The following GNAQ variants were observed in gnomAD, a reference collection of about 807,000 sequenced individuals.
The protein encoded by GNAQ is guanine nucleotide-binding protein G(q) subunit alpha.
A neutral mutation model predicts 43.9 loss-of-function variants in GNAQ; 8 were observed. The observed-to-expected ratio is 0.18, with a 90% CI of 0.11 to 0.33. The LOEUF (loss-of-function observed/expected upper bound fraction) is 0.33. GNAQ is among the 10% of genes least tolerant of loss of function. GNAQ has a pLI of 1.00. For synonymous variants in GNAQ, 155 were observed against 170.7 expected (o/e 0.91, Z 0.71); for missense variants, 158 against 450.8 (o/e 0.35, Z 5.88).
intron 1 of GNAQ, among the ~76,000 whole-genome samples, chr9:77,931,160 A>G (rs1481911181): frequency 1.3e-5 from 2 of 148,298 alleles, no homozygotes; most frequent in Admixed American, 1.3e-4. Context: ...TGTCATTGAG[A>G]TGCTTGTAGG....
At chr9:77,852,705 G>A (rs750211997) in intron 2 of GNAQ, among the ~76,000 whole-genome samples, 3 of 152,156 alleles carry the variant, frequency 2.0e-5, no homozygotes, top group Non-Finnish European at 4.4e-5. Context: ...TATGTCCTTT[G>A]ACACATATCA....
intron 2 of GNAQ, among the ~76,000 whole-genome samples, chr9:77,891,264 A>T (rs747113906): frequency 6.6e-6 from 1 of 152,174 alleles, no homozygotes; most frequent in South Asian, 2.1e-4. Flanking sequence ...GCCCTATCAC[A>T]CGTTCTCCTC....
intron 2 of GNAQ, among the ~76,000 whole-genome samples, chr9:77,875,355 A>C (rs1424193860): frequency 1.3e-5 from 2 of 152,246 alleles, no homozygotes; most frequent in Non-Finnish European, 2.9e-5. Context: ...AATATAATTT[A>C]ACTTTTTACC....
intron 1 of GNAQ, among the ~76,000 whole-genome samples, chr9:77,974,479 T>C (rs1823274792): frequency 6.6e-6 from 1 of 152,210 alleles, no homozygotes; most frequent in Non-Finnish European, 1.5e-5. Context: ...TGAGATACTG[T>C]TGTAAGGACT....
At chr9:77,920,131 C>T (rs1828974872) in intron 2 of GNAQ, among the ~76,000 whole-genome samples, 1 of 150,850 alleles carries the variant, frequency 6.6e-6, no homozygotes, top group Non-Finnish European at 1.5e-5. Flanking sequence ...GAGCAAGACT[C>T]TGTCTCAAAA....
At chr9:77,725,161 T>C (rs1474995634) in intron 6 of GNAQ, among the ~76,000 whole-genome samples, 1 of 152,164 alleles carries the variant, frequency 6.6e-6, no homozygotes, top group Admixed American at 6.5e-5. Context: ...AAAAGTGTTA[T>C]GTTTTTAAGC....
intron 1 of GNAQ, among the ~76,000 whole-genome samples, chr9:77,935,049 CT>C (rs1829210977): frequency 6.6e-6 from 1 of 152,128 alleles, no homozygotes; most frequent in African/African-American, 2.4e-5. Flanking sequence ...CACTTGAACC[CT>C]GGAGGCAGAG....
chr9:77,763,844 T>C (rs756787400), intron 5 of GNAQ, among the ~76,000 whole-genome samples: 8 of 152,208 alleles, frequency 5.3e-5, no homozygotes, highest in Non-Finnish European at 1.0e-4. Flanking sequence ...CTGTAAATGA[T>C]TAGCATGGCA....
At chr9:77,756,165 T>TCAG (rs1264884338) in intron 5 of GNAQ, among the ~76,000 whole-genome samples, 1 of 152,242 alleles carries the variant, frequency 6.6e-6, no homozygotes, top group East Asian at 1.9e-4. Context: ...TCCTTGCTCC[T>TCAG]CAGCTTGCAG....
intron 2 of GNAQ, among the ~76,000 whole-genome samples, chr9:77,898,228 A>G (rs969704390): frequency 1.3e-5 from 2 of 152,208 alleles, no homozygotes; most frequent in African/African-American, 4.8e-5. Context: ...AATAAAAGGC[A>G]CAATATATTA....
Position 77,760,549 on chromosome 9 carries a change from G to A in GNAQ, c.736-31882C>T, listed in dbSNP as rs1324709907. Among the ~76,000 whole-genome samples the A allele has an allele frequency of 1.3e-5, 2 of 152,160 alleles. 1 individual carries two copies. The highest frequency in any genetic ancestry group is 2.9e-5 in the Non-Finnish European group (2 of 68,026). On this transcript the variant is annotated intron_variant, in intron 5 of 6. Transcript: ENST00000286548. ...GATGGAGTGCAGTGGCGTGATCTCG[G>A]CTCGCTACAACTTCCACCTCCCAGC...
intron 5 of GNAQ, among the ~76,000 whole-genome samples, chr9:77,746,274 A>C (rs1323659003): frequency 1.3e-5 from 2 of 152,220 alleles, no homozygotes; most frequent in African/African-American, 4.8e-5. Flanking sequence ...AAATAAGCCA[A>C]GGAAGAAAAC....
intron 2 of GNAQ, among the ~76,000 whole-genome samples, chr9:77,857,480 G>C (rs1827773541): frequency 7.0e-6 from 1 of 142,894 alleles, no homozygotes; most frequent in South Asian, 2.5e-4. Flanking sequence ...GGAAGGGAAA[G>C]AGAGGAAGAG....
In GNAQ at chr9:77,937,892, C is replaced by G. The variant is rs561662390; in HGVS notation, c.137-15547G>C. 7.2e-5 allele frequency among the ~76,000 whole-genome samples: 11 copies of G among 152,150 alleles called. No homozygotes were observed. In the South Asian group the frequency reaches 2.1e-3, roughly 29 times the overall value. Reference sequence around the variant, plus strand: ...GGGCAACAAGAGTGAAACTCTGTCTCAAAATAAATAAATAAATAAAATTTA... The same window carrying G: ...GGGCAACAAGAGTGAAACTCTGTCTGAAAATAAATAAATAAATAAAATTTA... On this transcript the variant is annotated intron_variant, in intron 1 of 6. Coordinates refer to ENST00000286548, the MANE Select transcript of GNAQ (RefSeq NM_002072.5).
Position 78,031,773 on chromosome 9 carries a change from G to A in GNAQ, c.-538C>T, listed in dbSNP as rs1213867057. Among the ~76,000 whole-genome samples, 13 of 146,772 alleles carry A rather than the reference G, an allele frequency of 8.9e-5. No individual in the cohort carries two copies. Among genetic ancestry groups the A allele is most frequent in the Admixed American group, 8.1e-4 (12 of 14,800 alleles). On this transcript the variant is annotated 5_prime_UTR_variant, in exon 1 of 7. Coordinates refer to ENST00000286548, the MANE Select transcript of GNAQ (RefSeq NM_002072.5). The stretch of plus-strand genomic sequence containing the variant: ...TCGGCCCTGTCCGCGCCCACCGCCC[G>A]GCTCGCGCGCAGACCCGGTTCCCGT...
chr9:77,813,687 A>G (rs944893785), intron 3 of GNAQ, among the ~76,000 whole-genome samples: 15 of 152,084 alleles, frequency 9.9e-5, no homozygotes, highest in Non-Finnish European at 2.1e-4. Flanking sequence ...CCTAAGGGGG[A>G]GACGTAACCC....
intron 1 of GNAQ, among the ~76,000 whole-genome samples, chr9:77,965,636 C>T (rs1823156914): frequency 6.6e-6 from 1 of 152,132 alleles, no homozygotes; most frequent in South Asian, 2.1e-4. Context: ...ATTAAAACCA[C>T]AATTAGATAC....
chr9:78,013,816 T>A (rs1587461325), intron 1 of GNAQ, among the ~76,000 whole-genome samples: 1 of 152,158 alleles, frequency 6.6e-6, no homozygotes, highest in African/African-American at 2.4e-5. Context: ...AAAATTGTAT[T>A]TGAACATAGC....
Position 77,901,853 on chromosome 9 carries a change from G to C in GNAQ, c.321+20308C>G, listed in dbSNP as rs115682856. Among the ~76,000 whole-genome samples, 438 of 152,314 alleles carry C rather than the reference G, an allele frequency of 2.9e-3. 3 individuals are homozygous for C. Among genetic ancestry groups the C allele is most frequent in the African/African-American group, 0.01 (420 of 41,564 alleles). Reference sequence around the variant, plus strand: ...CAAGGCACAGGCACACTCAGTGTCTGCTGAGAGCCAGTTTCTTAATTAATT... The same window carrying C: ...CAAGGCACAGGCACACTCAGTGTCTCCTGAGAGCCAGTTTCTTAATTAATT... On this transcript the variant is annotated intron_variant, in intron 2 of 6. Transcript: ENST00000286548.
Sources: allele counts gnomAD v4.1 joint callset (sites outside exome capture counted in the v4.1 genomes callset), GRCh38; gene constraint gnomAD v4.1.1; transcripts MANE v1.5; gene names NCBI Gene and HGNC (gene_info 2026-07-23, HGNC 2026-07-21).